DNAH5: variants seen among roughly 807,000 people sequenced by gnomAD.
The protein encoded by DNAH5 is axonemal beta dynein heavy chain 5.
A neutral mutation model predicts 518.2 loss-of-function variants in DNAH5; 372 were observed. That is an observed-to-expected ratio of 0.72 (90% CI 0.66 to 0.78). The LOEUF is 0.78. Among genes scored for constraint, DNAH5 ranks in the 30% least tolerant of loss-of-function variants. The probability of loss-of-function intolerance (pLI) is 0.00; values close to 1 mark genes in which losing one functional copy is unlikely to be tolerated. For missense variants in DNAH5, 5,523 were observed against 5,687.0 expected (o/e 0.97, Z 0.93); for synonymous variants, 2,039 against 2,025.9 (o/e 1.01, Z -0.17).
At chr5:13,772,208 G>A (rs577350168) in intron 55 of DNAH5, among the ~76,000 whole-genome samples, 2 of 152,246 alleles carry the variant, frequency 1.3e-5, no homozygotes, top group African/African-American at 4.8e-5. Flanking sequence ...CAGGCATGAT[G>A]ATCAATGCTT....
At chr5:13,956,105 T>C (rs1346444009) in intron 1 of DNAH5, among the ~76,000 whole-genome samples, 1 of 152,206 alleles carries the variant, frequency 6.6e-6, no homozygotes, top group Non-Finnish European at 1.5e-5. Flanking sequence ...CCATCTCTGC[T>C]GGTCACTGTC....
chr5:13,885,146 C>T lies in DNAH5; in HGVS notation c.2826G>A (p.Thr942=), dbSNP rs768837837. Residue 942 remains threonine (T), a synonymous_variant, in exon 19 of 79, where the codon ACG becomes ACA. Transcript: ENST00000265104. ...RANALLLTTV[T]RKKKETEMLG... is the part of the protein sequence containing the mutation. ...ACATCTCAGTTTCTTTCTTTTTCCTCGTGACTGTCGTCAAAAGCAGGGCAT... is the reference window on the plus strand; with the variant it reads ...ACATCTCAGTTTCTTTCTTTTTCCTTGTGACTGTCGTCAAAAGCAGGGCAT... 7 of 1,614,198 alleles carry T rather than the reference C, an allele frequency of 4.3e-6. No homozygotes were observed. The highest frequency in any genetic ancestry group is 4.5e-5 in the East Asian group (2 of 44,876).
chr5:13,756,630 A>G (rs1050731441), intron 61 of DNAH5, among the ~76,000 whole-genome samples: 2 of 152,242 alleles, frequency 1.3e-5, no homozygotes, highest in African/African-American at 4.8e-5. Flanking sequence ...AGACTGCCAT[A>G]ATGTTTTCCA....
chr5:13,782,246 C>T (rs988085550), intron 52 of DNAH5, among the ~76,000 whole-genome samples: 1 of 152,202 alleles, frequency 6.6e-6, no homozygotes, highest in African/African-American at 2.4e-5. Flanking sequence ...TGGGGCTCTG[C>T]ATTCTGCCAA....
chr5:13,825,016 G>A lies in DNAH5; in HGVS notation c.6445-683C>T, dbSNP rs528698689. ...ATTAAAAACGGAACGATATGATCCA[G>A]CACTCCCAATTCTGGGTATATAGCC... On this transcript the variant is annotated intron_variant, in intron 38 of 78. Transcript: ENST00000265104. Among the ~76,000 whole-genome samples the A allele has an allele frequency of 1.2e-4, 19 of 152,270 alleles. No homozygotes were observed. The South Asian group carries it at 3.7e-3, about 30-fold the overall frequency.
At chr5:13,835,501 C>G (rs1336852658) in intron 35 of DNAH5, among the ~76,000 whole-genome samples, 1 of 152,140 alleles carries the variant, frequency 6.6e-6, no homozygotes, top group Non-Finnish European at 1.5e-5. Flanking sequence ...ACCCTCTTCT[C>G]CTTGTCACCA....
chr5:13,891,842 A>T (rs945729138), intron 16 of DNAH5, among the ~76,000 whole-genome samples: 2 of 152,214 alleles, frequency 1.3e-5, no homozygotes, highest in African/African-American at 4.8e-5. Context: ...CAATGGATGC[A>T]AAGGCCAACT....
chr5:13,868,875 G>C (rs2151915483), intron 24 of DNAH5, among the ~76,000 whole-genome samples: 1 of 152,206 alleles, frequency 6.6e-6, no homozygotes, highest in East Asian at 1.9e-4. Flanking sequence ...GTGTGTGTCT[G>C]GGGGTATGAA....
Position 13,902,146 on chromosome 5 carries a change from A to C in DNAH5, c.1645-8T>G, listed in dbSNP as rs2151964175. On this transcript the variant is annotated splice_polypyrimidine_tract_variant and splice_region_variant and intron_variant, in intron 12 of 78. Transcript: ENST00000265104. ...GAACTTCCGCAACTCGTTCTAAAACAGAATAAAATCTGATGATGAACAATA... is the reference window on the plus strand; with the variant it reads ...GAACTTCCGCAACTCGTTCTAAAACCGAATAAAATCTGATGATGAACAATA... 1 of 1,587,790 alleles carries C rather than the reference A, an allele frequency of 6.3e-7. No homozygotes were observed. The highest frequency in any genetic ancestry group is 8.6e-7 in the Non-Finnish European group (1 of 1,158,770).
chr5:13,718,914 C>A lies in DNAH5; in HGVS notation c.12467G>T (p.Gly4156Val). 6.2e-7 allele frequency: 1 copy of A among 1,614,054 alleles called. No individual in the cohort carries two copies. The highest frequency in any genetic ancestry group is 1.3e-5 in the African/African-American group (1 of 75,026). ...TGTTCTTTTCAGTCCTGCCCGGAGT[C>A]CTTGTGGAGGATCGTTGGCAAATTT... ...SIKFANDPPQ[G>V]LRAGLKRTYS... The change falls in exon 72 of 79, where the codon GGA (glycine) becomes GTA (valine). Residue 4156 changes from glycine to valine, a missense_variant. Around this residue, in one of 3 missense-constraint regions of DNAH5, gnomAD observed 5,121 missense variants for 5,223.3 expected, o/e 0.98. Transcript: ENST00000265104.
chr5:14,001,763 C>A (rs941856457), intron 1 of DNAH5, among the ~76,000 whole-genome samples: 2 of 151,574 alleles, frequency 1.3e-5, no homozygotes, highest in African/African-American at 2.4e-5. Context: ...GCTGAGGCAC[C>A]AATCATACCC....
At chr5:13,823,574 G>A (rs767840879) in intron 39 of DNAH5, among the ~76,000 whole-genome samples, 1 of 152,172 alleles carries the variant, frequency 6.6e-6, no homozygotes, top group East Asian at 1.9e-4. Flanking sequence ...AAAGAACAGG[G>A]AGAAAGGAAA....
upstream of DNAH5, among the ~76,000 whole-genome samples, chr5:13,948,123 G>A (rs568089907): frequency 9.2e-5 from 14 of 152,120 alleles, no homozygotes; most frequent in Non-Finnish European, 1.8e-4. Flanking sequence ...TGTGTGTCCC[G>A]GTTGTTTTCT....
chr5:13,890,224 C>T (rs1461580618), intron 17 of DNAH5, among the ~76,000 whole-genome samples: 2 of 151,826 alleles, frequency 1.3e-5, no homozygotes, highest in Non-Finnish European at 2.9e-5. Context: ...CTGGGCAACA[C>T]GATGAAACCC....
chr5:13,914,030 C>A (rs995298146), intron 10 of DNAH5, 72 bp from the exon 11 acceptor site: 2 of 1,541,172 alleles, frequency 1.3e-6, no homozygotes, highest in Non-Finnish European at 1.8e-6. Context: ...TAAGTGAAGG[C>A]GACAGCAAAA....
At position 13,914,584 on chromosome 5, in the gene DNAH5, GA is replaced by G; in HGVS notation, c.1255del (p.Ser419ProfsTer20). On this transcript the variant is annotated frameshift_variant, in exon 10 of 79. Transcript: ENST00000265104. LOFTEE classifies it high-confidence loss of function. ...KAYITNNGTA[S>X]IWNQPQDVVE... ...AACATCCTGTGGCTGGTTCCAGATG[GA>G]AGCGGTTCCATTATTGGTAATATAG... The G allele has an allele frequency of 6.2e-7, 1 of 1,613,344 alleles. No individual in the cohort carries two copies. Among genetic ancestry groups the G allele is most frequent in the East Asian group, 2.2e-5 (1 of 44,832 alleles).
At chr5:13,879,682 C>T (rs1258795859) in intron 21 of DNAH5, among the ~76,000 whole-genome samples, 1 of 150,244 alleles carries the variant, frequency 6.7e-6, no homozygotes, top group African/African-American at 2.5e-5. Context: ...TAATAGTTTC[C>T]ACAGAAGACT....
intron 27 of DNAH5, among the ~76,000 whole-genome samples, chr5:13,864,905 C>T (rs1449803924): frequency 6.6e-6 from 1 of 151,964 alleles, no homozygotes; most frequent in African/African-American, 2.4e-5. Flanking sequence ...AGAGGTGCTG[C>T]TCAAGCTAAT....
chr5:13,962,239 T>C (rs1022640892), intron 1 of DNAH5, among the ~76,000 whole-genome samples: 22 of 152,324 alleles, frequency 1.4e-4, no homozygotes, highest in African/African-American at 4.8e-4. Context: ...GCACCTGACT[T>C]ATTGTATGTA....
Sources: allele counts gnomAD v4.1 joint callset (sites outside exome capture counted in the v4.1 genomes callset), GRCh38; gene constraint gnomAD v4.1.1; regional missense constraint gnomAD v4.1.1; transcripts MANE v1.5; gene names NCBI Gene and HGNC (gene_info 2026-07-23, HGNC 2026-07-21).